Variants in PTPRD observed in about 807,000 individuals in gnomAD.
PTPRD encodes the protein protein tyrosine phosphatase receptor type D, also known as receptor-type tyrosine-protein phosphatase delta.
A neutral mutation model predicts 214.5 loss-of-function variants in PTPRD; 34 were observed. The observed-to-expected ratio is 0.16, with a 90% CI of 0.12 to 0.21. PTPRD has a LOEUF of 0.21. Among genes scored for constraint, PTPRD ranks in the 10% least tolerant of loss-of-function variants. PTPRD has a pLI of 1.00. For missense variants in PTPRD, 2,545 were observed against 2,398.7 expected (o/e 1.06, Z -1.27); for synonymous variants, 1,128 against 845.7 (o/e 1.33, Z -5.79).
Position 8,314,307 on chromosome 9 carries a change from G to A in PTPRD, c.*3567C>T, listed in dbSNP as rs1371636425. Reference sequence around the variant, plus strand: ...AACAAATGGAACTTGTGTCAGCAAAGAACTGATTTTCATACAGACTTCTTT... The same window carrying A: ...AACAAATGGAACTTGTGTCAGCAAAAAACTGATTTTCATACAGACTTCTTT... On this transcript the variant is annotated 3_prime_UTR_variant, in exon 46 of 46. Transcript: ENST00000381196. 1 of 223,960 alleles carries A rather than the reference G, an allele frequency of 4.5e-6. No individual in the cohort carries two copies. The highest frequency in any genetic ancestry group is 5.7e-5 in the Admixed American group (1 of 17,408). The allele number at this position is 223,960 out of a possible 1,614,324, so 13.9% of individuals were successfully genotyped here. A position where few individuals can be genotyped will look rare whatever the true frequency, so the allele number is the denominator to read the frequency against.
intron 2 of PTPRD, among the ~76,000 whole-genome samples, chr9:10,583,112 T>C (rs1311536383): frequency 6.6e-6 from 1 of 152,204 alleles, no homozygotes; most frequent in Non-Finnish European, 1.5e-5. Flanking sequence ...AGTTGGGTGA[T>C]GCAGCAGTTA....
chr9:9,474,603 C>T (rs1230863370), intron 8 of PTPRD, among the ~76,000 whole-genome samples: 3 of 152,058 alleles, frequency 2.0e-5, no homozygotes, highest in African/African-American at 7.2e-5. Flanking sequence ...TGTTTGTGTT[C>T]TCTTCAATTT....
intron 11 of PTPRD, among the ~76,000 whole-genome samples, chr9:8,813,456 G>C (rs1339593243): frequency 6.6e-6 from 1 of 152,076 alleles, no homozygotes; most frequent in Non-Finnish European, 1.5e-5. Flanking sequence ...CTACAGCCTT[G>C]ACCTCCTAGG....
rs186000621 is a variant in PTPRD at position 8,416,611 on chromosome 9, G to C, written c.4087-11951C>G. ...AGAAAATTTTTCAGCTGGCTTTTGGGGTCCATGAAGGTAACTTCAGTGTAG... is the reference window on the plus strand; with the variant it reads ...AGAAAATTTTTCAGCTGGCTTTTGGCGTCCATGAAGGTAACTTCAGTGTAG... On this transcript the variant is annotated intron_variant, in intron 35 of 45. Coordinates refer to ENST00000381196, the MANE Select transcript of PTPRD (RefSeq NM_002839.4). Among the ~76,000 whole-genome samples, 556 of 152,212 alleles carry C rather than the reference G, an allele frequency of 3.7e-3. 2 individuals carry two copies. Among genetic ancestry groups the C allele is most frequent in the African/African-American group, 0.013 (534 of 41,544 alleles).
chr9:9,584,958 T>C (rs1021156497), intron 7 of PTPRD, among the ~76,000 whole-genome samples: 3 of 151,974 alleles, frequency 2.0e-5, no homozygotes, highest in African/African-American at 7.2e-5. Flanking sequence ...ACCACAAGGA[T>C]GCCAAGACAT....
chr9:9,396,426 A>T (rs545909841), intron 9 of PTPRD, among the ~76,000 whole-genome samples: 25 of 152,166 alleles, frequency 1.6e-4, no homozygotes, highest in Middle Eastern at 3.4e-3. Flanking sequence ...ATTCATAGAC[A>T]TATTAAGGTT....
chr9:8,448,781 T>G (rs922791308), intron 34 of PTPRD, among the ~76,000 whole-genome samples: 1 of 152,200 alleles, frequency 6.6e-6, no homozygotes, highest in Non-Finnish European at 1.5e-5. Context: ...CTGTAAAATG[T>G]GTACTGTAAT....
chr9:10,482,394 A>G (rs976054585), intron 2 of PTPRD, among the ~76,000 whole-genome samples: 2 of 151,828 alleles, frequency 1.3e-5, no homozygotes, highest in African/African-American at 4.8e-5. Context: ...ATAAATAAGT[A>G]AATAAATAAA....
At chr9:9,622,036 G>A (rs900794564) in intron 7 of PTPRD, among the ~76,000 whole-genome samples, 12 of 152,142 alleles carry the variant, frequency 7.9e-5, no homozygotes, top group Non-Finnish European at 1.6e-4. Flanking sequence ...ATTATTATTT[G>A]GATATATGTT....
At chr9:8,793,126 A>C (rs560681684) in intron 11 of PTPRD, among the ~76,000 whole-genome samples, 1 of 152,316 alleles carries the variant, frequency 6.6e-6, no homozygotes, top group East Asian at 1.9e-4. Context: ...CCCTGCTTCC[A>C]ACTATGCACA....
intron 5 of PTPRD, among the ~76,000 whole-genome samples, chr9:9,928,542 T>A (rs1325773782): frequency 6.6e-6 from 1 of 152,108 alleles, no homozygotes; most frequent in Non-Finnish European, 1.5e-5. Context: ...GATATTTCAC[T>A]ATGGGAACAA....
intron 11 of PTPRD, among the ~76,000 whole-genome samples, chr9:8,946,421 T>C (rs146428920): frequency 8.5e-4 from 130 of 152,218 alleles, no homozygotes; most frequent in African/African-American, 2.8e-3. Context: ...ACTTTACCTC[T>C]ACCAGCCTCA....
chr9:10,143,025 C>CA (rs36127359), intron 3 of PTPRD, among the ~76,000 whole-genome samples: 13,117 of 151,524 alleles, frequency 0.087, 672 homozygotes, highest in Admixed American at 0.16. Context: ...ATCACAAGGA[C>CA]AAAAAACCAA....
chr9:8,519,122 C>A (rs1684345010), intron 20 of PTPRD, among the ~76,000 whole-genome samples: 1 of 152,086 alleles, frequency 6.6e-6, no homozygotes. Flanking sequence ...ATAGAAATTT[C>A]AAATCAATGC....
chr9:8,852,366 G>A (rs1401549703), intron 11 of PTPRD, among the ~76,000 whole-genome samples: 4 of 152,220 alleles, frequency 2.6e-5, no homozygotes, highest in African/African-American at 9.6e-5. Flanking sequence ...AGGTCACTAT[G>A]CTCCTGACAT....
intron 6 of PTPRD, among the ~76,000 whole-genome samples, chr9:9,738,847 T>G (rs1400672931): frequency 6.6e-6 from 1 of 152,158 alleles, no homozygotes; most frequent in Non-Finnish European, 1.5e-5. Flanking sequence ...CATTTTGTGT[T>G]GTCTTTCACT....
At chr9:9,744,208 G>A (rs373369302) in intron 6 of PTPRD, among the ~76,000 whole-genome samples, 19 of 151,894 alleles carry the variant, frequency 1.3e-4, no homozygotes, top group South Asian at 4.1e-4. Flanking sequence ...ACGATATATC[G>A]TCAAGGAGAT....
intron 34 of PTPRD, 106 bp downstream of exon 34, chr9:8,449,619 A>C (rs769399274): frequency 1.8e-5 from 19 of 1,039,126 alleles, no homozygotes; most frequent in Non-Finnish European, 2.3e-5. Context: ...GAGCAGGATG[A>C]ACAAAATGGC....
intron 39 of PTPRD, among the ~76,000 whole-genome samples, chr9:8,358,579 T>G (rs748198262): frequency 5.3e-4 from 81 of 152,240 alleles, no homozygotes; most frequent in Non-Finnish European, 8.1e-4. Context: ...TTTCCTAAGT[T>G]TTCTATGATA....
Sources: allele counts gnomAD v4.1 joint callset (sites outside exome capture counted in the v4.1 genomes callset), GRCh38; gene constraint gnomAD v4.1.1; transcripts MANE v1.5; gene names NCBI Gene and HGNC (gene_info 2026-07-23, HGNC 2026-07-21).